The following PALM2AKAP2 variants were observed in gnomAD, a reference collection of about 807,000 sequenced individuals.
The protein encoded by PALM2AKAP2 is PALM2 and AKAP2 fusion, also known as PALM2-AKAP2 fusion protein.
A neutral mutation model predicts 71.5 loss-of-function variants in PALM2AKAP2; 37 were observed. The ratio of observed to expected loss-of-function variants is 0.52; its 90% CI spans 0.40 to 0.68. PALM2AKAP2 has a LOEUF of 0.68. Among genes scored for constraint, PALM2AKAP2 ranks in the 30% least tolerant of loss-of-function variants. The probability of loss-of-function intolerance (pLI) is 0.00; values close to 1 mark genes in which losing one functional copy is unlikely to be tolerated. For missense variants in PALM2AKAP2, 1,224 were observed against 1,191.8 expected (o/e 1.03, Z -0.40); for synonymous variants, 468 against 478.8 (o/e 0.98, Z 0.29).
At chr9:109,897,742 A>G (rs1230379029) in intron 3 of PALM2AKAP2, among the ~76,000 whole-genome samples, 1 of 152,242 alleles carries the variant, frequency 6.6e-6, no homozygotes, top group Non-Finnish European at 1.5e-5. Context: ...TATGCTCCGA[A>G]TCATATTCAC....
rs1344830484 is a variant in PALM2AKAP2, at chr9:110,097,118, T to C, written c.157-39009T>C. 2.0e-5 allele frequency among the ~76,000 whole-genome samples: 3 copies of C among 150,142 alleles called. No individual in the cohort carries two copies. The East Asian group carries it at 5.8e-4, about 29-fold the overall frequency. On this transcript the variant is annotated intron_variant, in intron 1 of 3. Coordinates refer to ENST00000374525, the Ensembl canonical transcript of PALM2AKAP2. ...CCTGCGGCCTTCCGCAGTGTTTGTGTCCCTGGGTACTTGAGATTAGGGAGT... is the reference window on the plus strand; with the variant it reads ...CCTGCGGCCTTCCGCAGTGTTTGTGCCCCTGGGTACTTGAGATTAGGGAGT...
intron 1 of PALM2AKAP2, among the ~76,000 whole-genome samples, chr9:109,702,385 A>G (rs1313773816): frequency 6.6e-6 from 1 of 152,248 alleles, no homozygotes; most frequent in African/African-American, 2.4e-5. Flanking sequence ...AATGTGGCAC[A>G]TATACACCAT....
chr9:110,097,885 G>A (rs1834892512), intron 1 of PALM2AKAP2, among the ~76,000 whole-genome samples: 1 of 140,636 alleles, frequency 7.1e-6, no homozygotes, highest in Admixed American at 6.8e-5. Context: ...AGCACTGAGT[G>A]AAGGAGACTC....
rs188833013 is a variant in PALM2AKAP2, at chr9:109,772,944, C to A, written c.6-7544C>A. ...CCATCCTGGCTAACACGGTGAAACC[C>A]CATCTCTACTAAAAAGACAAAAAAT... On this transcript the variant is annotated intron_variant, in intron 1 of 6. Coordinates refer to the PALM2AKAP2 transcript ENST00000374531. Among the ~76,000 whole-genome samples, 1,282 of 152,182 alleles carry A rather than the reference C, an allele frequency of 8.4e-3. 11 individuals are homozygous for A. The highest frequency in any genetic ancestry group is 0.016 in the African/African-American group (647 of 41,518).
chr9:109,658,028 G>A (rs925044391), intron 1 of PALM2AKAP2, among the ~76,000 whole-genome samples: 12 of 151,872 alleles, frequency 7.9e-5, no homozygotes, highest in African/African-American at 2.7e-4. Flanking sequence ...GGAGGCCAAA[G>A]TATTTTGGCT....
At chr9:110,017,728 C>CTTTT (rs1833005478) in intron 7 of PALM2AKAP2, among the ~76,000 whole-genome samples, 1 of 43,932 alleles carries the variant, frequency 2.3e-5, no homozygotes. Flanking sequence ...ACGGCATATT[C>CTTTT]CTTTTTTTTT....
intron 1 of PALM2AKAP2, among the ~76,000 whole-genome samples, chr9:110,077,559 G>T (rs1366522118): frequency 6.6e-6 from 1 of 151,676 alleles, no homozygotes; most frequent in East Asian, 1.9e-4. Context: ...AGCGGGTCAG[G>T]GCTCTCTCTT....
chr9:110,041,596 A>G (rs578073737), intron 7 of PALM2AKAP2, among the ~76,000 whole-genome samples: 94 of 152,356 alleles, frequency 6.2e-4, no homozygotes, highest in South Asian at 5.4e-3. Context: ...AAGGAAATAA[A>G]TGTGGAACAG....
At chr9:109,664,096 TGG>T (rs1189934935) in intron 1 of PALM2AKAP2, among the ~76,000 whole-genome samples, 1 of 152,194 alleles carries the variant, frequency 6.6e-6, no homozygotes, top group Non-Finnish European at 1.5e-5. Flanking sequence ...GCACGTGAGA[TGG>T]GTGTCCTGAA....
intron 1 of PALM2AKAP2, among the ~76,000 whole-genome samples, chr9:110,059,155 C>T (rs1017686646): frequency 9.2e-5 from 14 of 152,162 alleles, no homozygotes; most frequent in African/African-American, 2.7e-4. Flanking sequence ...CTGCCTCGGC[C>T]TCCCAAAGTG....
At chr9:109,971,616 G>A (rs992474365) in intron 6 of PALM2AKAP2, among the ~76,000 whole-genome samples, 2 of 152,080 alleles carry the variant, frequency 1.3e-5, no homozygotes, top group Non-Finnish European at 2.9e-5. Flanking sequence ...AGTAGAGATA[G>A]GGTTTCACCA....
chr9:110,024,105 A>G (rs1220464617), intron 7 of PALM2AKAP2, among the ~76,000 whole-genome samples: 15 of 152,164 alleles, frequency 9.9e-5, no homozygotes, highest in Admixed American at 8.5e-4. Context: ...AAATAACACA[A>G]CTTTATTAAG....
intron 1 of PALM2AKAP2, among the ~76,000 whole-genome samples, chr9:109,674,756 C>A (rs976648872): frequency 6.6e-6 from 1 of 152,162 alleles, no homozygotes; most frequent in Admixed American, 6.5e-5. Flanking sequence ...GTTTTAATCA[C>A]ATATGTTTTT....
At chr9:110,136,611 T>C (rs1336580061) in exon 2 of PALM2AKAP2, 4 of 1,613,830 alleles carry the variant, frequency 2.5e-6, no homozygotes, top group South Asian at 1.1e-5. Flanking sequence ...CCTGACCCCA[T>C]GGCAGAGGCA....
intron 1 of PALM2AKAP2, among the ~76,000 whole-genome samples, chr9:109,682,070 G>A (rs2118520416): frequency 6.6e-6 from 1 of 152,270 alleles, no homozygotes; most frequent in African/African-American, 2.4e-5. Context: ...AAGTTTAAGA[G>A]AATTAATAAC....
chr9:109,697,990 C>A (rs994294924), intron 1 of PALM2AKAP2, among the ~76,000 whole-genome samples: 1 of 152,136 alleles, frequency 6.6e-6, no homozygotes, highest in Non-Finnish European at 1.5e-5. Flanking sequence ...CATCTGGTTA[C>A]AAATTATACA....
chr9:110,127,556 C>G (rs1835637280), intron 1 of PALM2AKAP2: 1 of 152,302 alleles, frequency 6.6e-6, no homozygotes, highest in African/African-American at 2.4e-5. Flanking sequence ...CTCCTCTCCT[C>G]CACTTCCCGC....
intron 1 of PALM2AKAP2, among the ~76,000 whole-genome samples, chr9:110,096,793 G>T (rs1053101993): frequency 5.9e-5 from 9 of 151,796 alleles, no homozygotes; most frequent in East Asian, 1.9e-4. Context: ...GGGGGGTTGG[G>T]GGGGGGTGAG....
intron 6 of PALM2AKAP2, among the ~76,000 whole-genome samples, chr9:109,981,198 C>T (rs532185089): frequency 2.6e-5 from 4 of 152,330 alleles, no homozygotes; most frequent in African/African-American, 9.6e-5. Flanking sequence ...TCTGGTTCTA[C>T]TTCTACACTT....
Sources: gnomAD v4.1 joint callset for allele counts (sites outside exome capture counted in the v4.1 genomes callset) on GRCh38, gnomAD v4.1.1 for gene constraint, MANE v1.5 for transcripts, NCBI Gene and HGNC (gene_info 2026-07-23, HGNC 2026-07-21) for gene names.